NELL1: variants seen among roughly 807,000 people sequenced by gnomAD.
NELL1 encodes the protein protein kinase C-binding protein NELL1.
Under a neutral mutation model 107.4 loss-of-function variants are expected in NELL1, and 76 were observed. The observed-to-expected ratio is 0.71, with a 90% CI of 0.59 to 0.86. The LOEUF (loss-of-function observed/expected upper bound fraction) is 0.86. NELL1 is among the 40% of genes least tolerant of loss of function. NELL1 has a pLI of 0.00. For synonymous variants in NELL1, 353 were observed against 341.2 expected, an observed-to-expected ratio of 1.03 and a Z score of -0.38; for missense variants, 1,024 against 1,005.5, an observed-to-expected ratio of 1.02 and a Z score of -0.25.
intron 12 of NELL1, among the ~76,000 whole-genome samples, chr11:21,065,157 C>G (rs1464453103): frequency 6.6e-6 from 1 of 152,042 alleles, no homozygotes; most frequent in African/African-American, 2.4e-5. Context: ...CTTATAGGCT[C>G]ATAAGCCTAA....
intron 13 of NELL1, among the ~76,000 whole-genome samples, chr11:21,152,321 C>T (rs1266785903): frequency 6.6e-6 from 1 of 152,142 alleles, no homozygotes; most frequent in African/African-American, 2.4e-5. Context: ...CAACCTTTCC[C>T]AGCGTAGTAT....
intron 5 of NELL1, among the ~76,000 whole-genome samples, chr11:20,906,248 C>T (rs1849995004): frequency 6.6e-6 from 1 of 151,992 alleles, no homozygotes. Context: ...GGACAAATTC[C>T]TAGAAACACA....
intron 13 of NELL1, chr11:21,170,096 G>T (rs1856571295): frequency 8.7e-6 from 8 of 916,196 alleles, no homozygotes; most frequent in Middle Eastern, 2.7e-4. Context: ...TGAACAAAAG[G>T]ATGTGGAGGC....
intron 12 of NELL1, among the ~76,000 whole-genome samples, chr11:21,027,179 C>A (rs1297804003): frequency 6.6e-6 from 1 of 152,138 alleles, no homozygotes; most frequent in Non-Finnish European, 1.5e-5. Context: ...CTAGTTCTGG[C>A]AAGGCAATAA....
chr11:21,116,605 A>G (rs1234187755), intron 13 of NELL1, among the ~76,000 whole-genome samples: 1 of 151,838 alleles, frequency 6.6e-6, no homozygotes, highest in Non-Finnish European at 1.5e-5. Flanking sequence ...ATTCCAGCAA[A>G]AGCACCATTT....
intron 15 of NELL1, among the ~76,000 whole-genome samples, chr11:21,384,452 A>C (rs1851688867): frequency 6.7e-6 from 1 of 148,846 alleles, no homozygotes; most frequent in Admixed American, 6.7e-5. Context: ...ACATTTATTT[A>C]TTTATTATTA....
chr11:21,176,514 A>T (rs1856715709), intron 13 of NELL1, among the ~76,000 whole-genome samples: 1 of 151,864 alleles, frequency 6.6e-6, no homozygotes. Flanking sequence ...TTTCCTACTA[A>T]GGCCATACTG....
At chr11:21,227,852 C>T (rs1279433854) in intron 13 of NELL1, among the ~76,000 whole-genome samples, 1 of 152,102 alleles carries the variant, frequency 6.6e-6, no homozygotes, top group African/African-American at 2.4e-5. Flanking sequence ...GTGTGCCCTA[C>T]CTCTGTTGTG....
At chr11:20,827,061 G>A (rs760459349) in intron 3 of NELL1, among the ~76,000 whole-genome samples, 1 of 151,140 alleles carries the variant, frequency 6.6e-6, no homozygotes, top group Non-Finnish European at 1.5e-5. Flanking sequence ...ACACAGCCCT[G>A]GTTTTGCAAT....
chr11:20,708,146 A>G (rs940046443), intron 2 of NELL1, among the ~76,000 whole-genome samples: 2 of 152,254 alleles, frequency 1.3e-5, no homozygotes, highest in Non-Finnish European at 2.9e-5. Flanking sequence ...TCTCTGAACC[A>G]GGCACAGGAT....
intron 2 of NELL1, among the ~76,000 whole-genome samples, chr11:20,770,634 G>T (rs1856621082): frequency 6.6e-6 from 1 of 152,154 alleles, no homozygotes; most frequent in South Asian, 2.1e-4. Context: ...AGCTAACAAG[G>T]CATGTAATTA....
intron 14 of NELL1, among the ~76,000 whole-genome samples, chr11:21,232,159 A>AAAAAAATATATATATATGTATATATATAT (rs1554985116): frequency 1.4e-5 from 1 of 73,208 alleles, no homozygotes; most frequent in Non-Finnish European, 2.8e-5. Context: ...AAAAAAAAAA[A>AAAAAAATATATATATATGTATATATATAT]ATATATATAT....
intron 13 of NELL1, among the ~76,000 whole-genome samples, chr11:21,175,517 G>T (rs1856693346): frequency 6.6e-6 from 1 of 151,652 alleles, no homozygotes; most frequent in Admixed American, 6.6e-5. Flanking sequence ...ATCCTTAATT[G>T]GTCCAATTTA....
At chr11:20,774,283 CCCTT>C (rs1351396728) in intron 2 of NELL1, among the ~76,000 whole-genome samples, 1 of 141,300 alleles carries the variant, frequency 7.1e-6, no homozygotes, top group Non-Finnish European at 1.5e-5. Context: ...TCCTTTCTTT[CCCTT>C]CCTTCCTTTT....
chr11:21,249,695 A>G (rs1295055203), intron 14 of NELL1, among the ~76,000 whole-genome samples: 1 of 152,212 alleles, frequency 6.6e-6, no homozygotes, highest in African/African-American at 2.4e-5. Flanking sequence ...GGAAATGCAT[A>G]CAAATGTCTG....
At chr11:20,976,160 C>CGTATCTGT (rs1478831705) in intron 12 of NELL1, among the ~76,000 whole-genome samples, 38 of 106,882 alleles carry the variant, frequency 3.6e-4, no homozygotes, top group South Asian at 9.0e-4. Context: ...TATATATACA[C>CGTATCTGT]ACATTATATC....
chr11:20,921,164 A>G (rs992770960), intron 7 of NELL1, among the ~76,000 whole-genome samples: 1 of 152,158 alleles, frequency 6.6e-6, no homozygotes, highest in African/African-American at 2.4e-5. Flanking sequence ...ATAACTATTG[A>G]AAACTATAAG....
intron 14 of NELL1, among the ~76,000 whole-genome samples, chr11:21,313,050 C>G (rs1385883973): frequency 1.0e-5 from 1 of 97,976 alleles, no homozygotes; most frequent in Non-Finnish European, 2.2e-5. Flanking sequence ...CACTCCCCGT[C>G]TCAAAATAAA....
At position 21,049,931 on chromosome 11, in the gene NELL1, A is replaced by T. The variant is rs980053449; in HGVS notation, c.1301-63658A>T. On this transcript the variant is annotated intron_variant, in intron 12 of 19. Coordinates refer to ENST00000357134, the MANE Select transcript of NELL1 (RefSeq NM_006157.5). ...GACTTCAGGTTAATTAATTCGTGCC[A>T]TTAATTTGTGGCCTATTGCAGGCCT... is the stretch of plus-strand genomic sequence containing the variant. 2.3e-4 allele frequency among the ~76,000 whole-genome samples: 28 copies of T among 122,282 alleles called. 1 individual carries two copies. Among genetic ancestry groups the T allele is most frequent in the Admixed American group, 1.5e-4 (2 of 13,310 alleles). 80.2% of individuals were successfully genotyped at this position (122,282 alleles called of 152,430 possible). A position where few individuals can be genotyped will look rare whatever the true frequency, so the allele number is the denominator to read the frequency against.
Sources: gnomAD v4.1 joint callset for allele counts (sites outside exome capture counted in the v4.1 genomes callset) on GRCh38, gnomAD v4.1.1 for gene constraint, MANE v1.5 for transcripts, NCBI Gene and HGNC (gene_info 2026-07-23, HGNC 2026-07-21) for gene names.